DOK7: variants seen among roughly 807,000 people sequenced by gnomAD.
The protein encoded by DOK7 is protein Dok-7.
Under a neutral mutation model 30.7 loss-of-function variants are expected in DOK7, and 32 were observed. That is an observed-to-expected ratio of 1.04 (90% CI 0.79 to 1.40). The LOEUF is 1.40. Among genes scored for constraint, DOK7 ranks in the 40% most tolerant of loss-of-function variants. The pLI is 0.00. For synonymous variants in DOK7, 447 were observed against 324.1 expected (o/e 1.38, Z -4.07); for missense variants, 1,007 against 699.2 (o/e 1.44, Z -4.97).
chr4:3,493,098 C>T lies in DOK7; in HGVS notation c.1112C>T (p.Ser371Leu), dbSNP rs777986024. 6.3e-7 allele frequency: 1 copy of T among 1,581,386 alleles called. No individual in the cohort carries two copies. Among genetic ancestry groups the T allele is most frequent in the Non-Finnish European group, 8.6e-7 (1 of 1,167,702 alleles). ...TGGCGGGCCACAGATGAACTGGGCT[C>T]ACTGCTCAGCCTGCCAGCAGCGGGG... The part of the protein sequence containing the change: ...DVWRATDELG[S>L]LLSLPAAGAP... The change falls in exon 7 of 7, where the codon TCA becomes TTA. Residue 371 changes from serine (S) to leucine (L), a missense_variant. Coordinates refer to ENST00000340083, the MANE Select transcript of DOK7 (RefSeq NM_173660.5).
chr4:3,493,726 T>A lies in DOK7; in HGVS notation c.*225T>A. 4 of 1,423,170 alleles carry A rather than the reference T, an allele frequency of 2.8e-6. No homozygotes were observed. The highest frequency in any genetic ancestry group is 3.1e-5 in the South Asian group (2 of 65,446). The allele number at this position is 1,423,170 out of a possible 1,614,324, so 88.2% of individuals were successfully genotyped here. A position where few individuals can be genotyped will look rare whatever the true frequency, so the allele number is the denominator to read the frequency against. ...AGGCAGGGGCTCTGGGTCCGGCAGG[T>A]CGGGGTCACCAGAGCCCCAATGCTC... On this transcript the variant is annotated 3_prime_UTR_variant, in exon 7 of 7. Transcript: ENST00000340083.
At chr4:3,473,703 G>A in intron 3 of DOK7, 67 bp downstream of exon 3, 17 of 1,422,094 alleles carry the variant, frequency 1.2e-5, no homozygotes, top group Non-Finnish European at 1.6e-5. Flanking sequence ...CCTCACCAAC[G>A]TGGGCTGCAG....
At chr4:3,463,627 G>A (rs1325203330) in intron 2 of DOK7, 76 bp downstream of exon 2, 2 of 1,505,108 alleles carry the variant, frequency 1.3e-6, no homozygotes, top group African/African-American at 1.4e-5. Context: ...AGTAATGCCA[G>A]CTTGCCCAAA....
In DOK7 at chr4:3,476,508, A is replaced by T. The variant is rs745956973; in HGVS notation, c.498A>T (p.Gly166=). 1.2e-6 allele frequency: 2 copies of T among 1,613,640 alleles called. No individual in the cohort carries two copies. The highest frequency in any genetic ancestry group is 2.7e-5 in the African/African-American group (2 of 74,828). The part of the protein sequence containing the change: ...DLRRYGAVPS[G]FIFEGGTRCG... Reference sequence around the variant, plus strand: ...GGCGCTACGGGGCCGTGCCAAGCGGATTCATCTTTGAAGGCGGGACCAGGT... The same window carrying T: ...GGCGCTACGGGGCCGTGCCAAGCGGTTTCATCTTTGAAGGCGGGACCAGGT... Residue 166 remains glycine (G), a synonymous_variant, in exon 4 of 7, where the codon GGA becomes GGT. Transcript: ENST00000340083.
chr4:3,492,653 G>C, intron 6 of DOK7, 106 bp from the exon 7 acceptor site: 2 of 1,505,356 alleles, frequency 1.3e-6, no homozygotes, highest in African/African-American at 1.4e-5. Flanking sequence ...GAAGGGGTGG[G>C]GCGAGACCAG....
chr4:3,473,527 G>C lies in DOK7; in HGVS notation c.222G>C (p.Leu74=), dbSNP rs1194812455. 1.2e-6 allele frequency: 2 copies of C among 1,610,948 alleles called. No homozygotes were observed. The highest frequency in any genetic ancestry group is 1.7e-5 in the Admixed American group (1 of 59,980). ...AGCCCGGCCTGCCCTACGAGGGCCT[G>C]GTCCACACGCTGGCCATTGTCTGCC... ...GLEPGLPYEG[L]VHTLAIVCLS... The change falls in exon 3 of 7, where the codon CTG becomes CTC. Residue 74 remains leucine, a synonymous_variant. Coordinates refer to ENST00000340083, the MANE Select transcript of DOK7 (RefSeq NM_173660.5).
chr4:3,466,065 C>A (rs890360358), intron 2 of DOK7, among the ~76,000 whole-genome samples: 2 of 152,178 alleles, frequency 1.3e-5, no homozygotes, highest in South Asian at 4.1e-4. Flanking sequence ...GAAAAGCCAC[C>A]GGGAGGGCCC....
At chr4:3,471,724 G>A (rs145167478) in intron 2 of DOK7, among the ~76,000 whole-genome samples, 7 of 152,250 alleles carry the variant, frequency 4.6e-5, no homozygotes, top group Admixed American at 1.3e-4. Context: ...GGGGCCGGGC[G>A]TCCTGCTTCC....
Position 3,490,678 on chromosome 4 carries a change from C to T in DOK7, c.772+882C>T, listed in dbSNP as rs546054415. 2.9e-4 allele frequency among the ~76,000 whole-genome samples: 21 copies of T among 73,650 alleles called. No homozygotes were observed. In the East Asian group the frequency reaches 6.2e-3, roughly 22 times the overall value. 48.3% of individuals were successfully genotyped at this position (73,650 alleles called of 152,430 possible). On this transcript the variant is annotated intron_variant, in intron 6 of 6. Coordinates refer to ENST00000340083, the MANE Select transcript of DOK7 (RefSeq NM_173660.5). Reference sequence around the variant, plus strand: ...CCTGCTCATTCATTCCTCCCTTCCCCGCATTCCTTCCTTCCTTCCCCCCTC... The same window carrying T: ...CCTGCTCATTCATTCCTCCCTTCCCTGCATTCCTTCCTTCCTTCCCCCCTC...
chr4:3,485,679 G>C (rs140243630), intron 5 of DOK7, 21 bp downstream of exon 5: 23 of 1,533,772 alleles, frequency 1.5e-5, no homozygotes, highest in Admixed American at 1.9e-5. Context: ...GAGCCTGGCC[G>C]GCCGGGGAGG....
chr4:3,485,394 C>G lies in DOK7; in HGVS notation c.533-145C>G, dbSNP rs565005552. 5.4e-5 allele frequency: 62 copies of G among 1,138,438 alleles called. No individual in the cohort carries two copies. In the African/African-American group the frequency reaches 9.0e-4, roughly 16 times the overall value. The allele number at this position is 1,138,438 out of a possible 1,614,324, so 70.5% of individuals were successfully genotyped here. ...TTCACGGGGCCAGGCGGGGTGTCGG[C>G]TCTGGGCATCTGACTTCGTGGGGCC... On this transcript the variant is annotated intron_variant, in intron 4 of 6. Transcript: ENST00000340083.
exon 8 of DOK7, chr4:3,500,948 G>C (rs1193153124): frequency 7.2e-7 from 1 of 1,387,526 alleles, no homozygotes; most frequent in East Asian, 2.6e-5. Flanking sequence ...GCAGGAGCAG[G>C]CATGGCCGGT....
intron 4 of DOK7, among the ~76,000 whole-genome samples, chr4:3,480,486 T>A (rs78649910): frequency 0.12 from 18,652 of 152,158 alleles, 1,234 homozygotes; most frequent in East Asian, 0.23. Context: ...CAGGTGCCTG[T>A]AATCCCAGCT....
chr4:3,468,996 GTGAGTGTGCGTGTA>G (rs565844222), intron 2 of DOK7, among the ~76,000 whole-genome samples: 6 of 150,482 alleles, frequency 4.0e-5, no homozygotes, highest in African/African-American at 1.5e-4. Context: ...GTATGCATGT[GTGAGTGTGCGTGTA>G]TGAGTGTGTG....
chr4:3,490,798 TC>T (rs2109401743), intron 6 of DOK7, among the ~76,000 whole-genome samples: 2 of 48,572 alleles, frequency 4.1e-5, no homozygotes, highest in African/African-American at 2.0e-4. Flanking sequence ...CATTCCTTCC[TC>T]TGCCCCCCCG....
chr4:3,478,386 G>A (rs777695550), intron 4 of DOK7, among the ~76,000 whole-genome samples: 32 of 152,326 alleles, frequency 2.1e-4, no homozygotes, highest in Middle Eastern at 3.4e-3. Flanking sequence ...CTACTGTGCC[G>A]TTTTCCTGGG....
chr4:3,490,119 C>CCTTT (rs1429009385), intron 6 of DOK7, among the ~76,000 whole-genome samples: 2 of 110,914 alleles, frequency 1.8e-5, no homozygotes, highest in Non-Finnish European at 3.6e-5. Flanking sequence ...CCCATTCATT[C>CCTTT]CTTTTCTCCC....
chr4:3,500,441 G>A (rs767768963), intron 7 of DOK7: 51 of 1,531,166 alleles, frequency 3.3e-5, no homozygotes, highest in Non-Finnish European at 4.3e-5. Context: ...TGACAATTGG[G>A]GGCTGGGACC....
chr4:3,500,893 G>A lies in DOK7; in HGVS notation c.*68G>A, dbSNP rs559275403. The stretch of plus-strand genomic sequence containing the variant: ...CGGCCCCGTGGCCCCCGGCAGGCCA[G>A]CCCCTTCTGTTGGGCGTGGTCTGGT... On this transcript the variant is annotated 3_prime_UTR_variant, in exon 8 of 8. Coordinates refer to the DOK7 transcript ENST00000643608. 35 of 1,464,988 alleles carry A rather than the reference G, an allele frequency of 2.4e-5. No individual in the cohort carries two copies. The South Asian group carries it at 4.5e-4, about 19-fold the overall frequency. The allele number at this position is 1,464,988 out of a possible 1,614,324, so 90.7% of individuals were successfully genotyped here.
Sources: allele counts gnomAD v4.1 joint callset (sites outside exome capture counted in the v4.1 genomes callset), GRCh38; gene constraint gnomAD v4.1.1; transcripts MANE v1.5; gene names NCBI Gene and HGNC (gene_info 2026-07-23, HGNC 2026-07-21).